CDC123: variants seen among roughly 807,000 people sequenced by gnomAD.
The protein encoded by CDC123 is cell division cycle 123.
A neutral mutation model predicts 54.4 loss-of-function variants in CDC123; 37 were observed. The observed-to-expected ratio is 0.68, with a 90% CI of 0.52 to 0.89. The LOEUF (loss-of-function observed/expected upper bound fraction) is 0.89, where lower values mean the gene tolerates loss of function less well. Ranked by LOEUF, CDC123 falls within the 40% of genes least tolerant of loss-of-function variation. CDC123 has a pLI of 0.00. For missense variants in CDC123, 361 were observed against 412.1 expected, an observed-to-expected ratio of 0.88 and a Z score of 1.07; for synonymous variants, 144 against 136.8, an observed-to-expected ratio of 1.05 and a Z score of -0.37.
chr10:12,226,442 C>T (rs1027916803), intron 6 of CDC123, among the ~76,000 whole-genome samples: 2 of 152,022 alleles, frequency 1.3e-5, no homozygotes, highest in Non-Finnish European at 1.5e-5. Context: ...TGGGTGGAGA[C>T]GCTCCTCACT....
At chr10:12,244,529 C>G (rs949171174) in intron 10 of CDC123, among the ~76,000 whole-genome samples, 1 of 152,182 alleles carries the variant, frequency 6.6e-6, no homozygotes, top group African/African-American at 2.4e-5. Context: ...CACAGTGCCC[C>G]CAGCTCAAAG....
chr10:12,199,631 C>A (rs911614842), intron 2 of CDC123, among the ~76,000 whole-genome samples: 1 of 151,978 alleles, frequency 6.6e-6, no homozygotes, highest in Non-Finnish European at 1.5e-5. Context: ...CTAACTGGAC[C>A]CCATATTTTT....
In CDC123 at chr10:12,235,140, T is replaced by G; in HGVS notation, c.565+17T>G. On this transcript the variant is annotated intron_variant, in intron 8 of 12. Transcript: ENST00000281141. The stretch of plus-strand genomic sequence containing the variant: ...AGCTTATTGGTGAGTTTTTGTTTGT[T>G]TGTTTGTTTTATCCTTCAAAGTCAT... 6.3e-7 allele frequency: 1 copy of G among 1,597,528 alleles called. No homozygotes were observed. Among genetic ancestry groups the G allele is most frequent in the South Asian group, 1.1e-5 (1 of 90,684 alleles).
At chr10:12,215,883 T>A (rs549689666) in intron 5 of CDC123, 48 bp downstream of exon 5, 6 of 1,270,862 alleles carry the variant, frequency 4.7e-6, no homozygotes, top group Non-Finnish European at 6.7e-6. Flanking sequence ...TTCTTTGTTT[T>A]GCTGTTTATT....
At chr10:12,248,980 G>A (rs899653397) in intron 11 of CDC123, among the ~76,000 whole-genome samples, 24 of 151,962 alleles carry the variant, frequency 1.6e-4, no homozygotes, top group East Asian at 3.9e-4. Context: ...ACGTGGTGAC[G>A]CGCGCCTGTA....
chr10:12,214,235 C>A (rs1389937080), intron 4 of CDC123, among the ~76,000 whole-genome samples: 1 of 152,164 alleles, frequency 6.6e-6, no homozygotes, highest in African/African-American at 2.4e-5. Flanking sequence ...AAGTTGAATT[C>A]TTTCCCGTTG....
chr10:12,231,074 T>C, intron 7 of CDC123, 78 bp downstream of exon 7: 3 of 1,325,206 alleles, frequency 2.3e-6, no homozygotes, highest in East Asian at 2.3e-5. Flanking sequence ...TGAAATGAAA[T>C]GAATGAAGTT....
intron 2 of CDC123, among the ~76,000 whole-genome samples, chr10:12,201,909 G>A (rs775902287): frequency 6.6e-6 from 1 of 152,166 alleles, no homozygotes; most frequent in Non-Finnish European, 1.5e-5. Flanking sequence ...TTGGGAGCTT[G>A]CACCTTCAGA....
chr10:12,243,845 T>C (rs746901044), intron 10 of CDC123, among the ~76,000 whole-genome samples: 1 of 152,068 alleles, frequency 6.6e-6, no homozygotes, highest in Non-Finnish European at 1.5e-5. Context: ...GTCCATTTTG[T>C]ATCATGACAT....
chr10:12,242,110 T>A (rs1435258417), intron 10 of CDC123, among the ~76,000 whole-genome samples: 1 of 152,206 alleles, frequency 6.6e-6, no homozygotes, highest in Non-Finnish European at 1.5e-5. Context: ...TCAGGAGCCC[T>A]CACATATCTC....
At chr10:12,225,477 A>G (rs2399791) in intron 6 of CDC123, among the ~76,000 whole-genome samples, 10,660 of 152,208 alleles carry the variant, frequency 0.07, 611 homozygotes, top group East Asian at 0.21. Flanking sequence ...TCTCTGGGGA[A>G]GTATTTTGAA....
intron 2 of CDC123, among the ~76,000 whole-genome samples, chr10:12,201,515 C>G (rs1835439053): frequency 6.6e-6 from 1 of 152,030 alleles, no homozygotes; most frequent in African/African-American, 2.4e-5. Context: ...GTGGGGGGAA[C>G]AGCATTAATG....
chr10:12,217,809 G>T lies in CDC123; in HGVS notation c.440+342G>T, dbSNP rs181227002. Reference sequence around the variant, plus strand: ...AGGAAATATAAAAGCTCTCATGGCCGGGCGCGGTGGCTCACGCCTGGGATT... The same window carrying T: ...AGGAAATATAAAAGCTCTCATGGCCTGGCGCGGTGGCTCACGCCTGGGATT... On this transcript the variant is annotated intron_variant, in intron 6 of 12. Coordinates refer to ENST00000281141, the MANE Select transcript of CDC123 (RefSeq NM_006023.3). Among the ~76,000 whole-genome samples, 642 of 152,280 alleles carry T rather than the reference G, an allele frequency of 4.2e-3. 3 individuals are homozygous for T. The highest frequency in any genetic ancestry group is 0.014 in the African/African-American group (593 of 41,558).
At chr10:12,217,556 A>G (rs1835679169) in intron 6 of CDC123, 89 bp downstream of exon 6, 3 of 1,328,796 alleles carry the variant, frequency 2.3e-6, no homozygotes, top group South Asian at 2.9e-5. Context: ...TAGTACTATT[A>G]TAAATCATAG....
chr10:12,233,863 G>A (rs1440059582), intron 7 of CDC123, among the ~76,000 whole-genome samples: 1 of 151,796 alleles, frequency 6.6e-6, no homozygotes, highest in Non-Finnish European at 1.5e-5. Flanking sequence ...AAACTTATTA[G>A]TATATGAGAG....
At chr10:12,209,174 A>G (rs1422800236) in intron 2 of CDC123, among the ~76,000 whole-genome samples, 1 of 152,148 alleles carries the variant, frequency 6.6e-6, no homozygotes, top group East Asian at 1.9e-4. Flanking sequence ...TTTTAATGAT[A>G]TCTGAGAACA....
chr10:12,200,661 G>C (rs1267201509), intron 2 of CDC123, among the ~76,000 whole-genome samples: 1 of 152,140 alleles, frequency 6.6e-6, no homozygotes, highest in South Asian at 2.1e-4. Flanking sequence ...GGCTGGGCGC[G>C]GTGGCTCATG....
chr10:12,210,584 ACT>A (rs781066456), intron 4 of CDC123, among the ~76,000 whole-genome samples: 6 of 152,082 alleles, frequency 3.9e-5, no homozygotes, highest in Non-Finnish European at 5.9e-5. Flanking sequence ...TTAAGCTCTG[ACT>A]CTCTGCAAGA....
At chr10:12,201,414 G>A (rs1325880458) in intron 2 of CDC123, among the ~76,000 whole-genome samples, 1 of 152,090 alleles carries the variant, frequency 6.6e-6, no homozygotes, top group East Asian at 1.9e-4. Context: ...GGAGGGTCGG[G>A]GAATGCTCCG....
Sources: allele counts gnomAD v4.1 joint callset (sites outside exome capture counted in the v4.1 genomes callset), GRCh38; gene constraint gnomAD v4.1.1; transcripts MANE v1.5; gene names NCBI Gene and HGNC (gene_info 2026-07-23, HGNC 2026-07-21).